Variants in SLIT1 observed in about 807,000 individuals in gnomAD.
SLIT1 encodes slit guidance ligand 1.
A neutral mutation model predicts 186.1 loss-of-function variants in SLIT1; 66 were observed. The observed-to-expected ratio is 0.35, with a 90% CI of 0.29 to 0.44. The LOEUF (loss-of-function observed/expected upper bound fraction) is 0.44. Among genes scored for constraint, SLIT1 ranks in the 20% least tolerant of loss-of-function variants. The pLI, the probability that SLIT1 is intolerant of heterozygous loss-of-function variation, is 1.00. For synonymous variants in SLIT1, 761 were observed against 833.8 expected, an observed-to-expected ratio of 0.91 and a Z score of 1.50; for missense variants, 1,638 against 2,037.4, an observed-to-expected ratio of 0.80 and a Z score of 3.77.
chr10:97,017,176 G>C (rs1848461131), intron 28 of SLIT1, among the ~76,000 whole-genome samples: 1 of 152,198 alleles, frequency 6.6e-6, no homozygotes, highest in African/African-American at 2.4e-5. Context: ...CCCCCAGCTG[G>C]GGCGTCTCAG....
chr10:97,008,922 C>T (rs1424593570), intron 31 of SLIT1, among the ~76,000 whole-genome samples: 1 of 151,728 alleles, frequency 6.6e-6, no homozygotes, highest in Admixed American at 6.6e-5. Flanking sequence ...CTCTGTCACC[C>T]AGGCTGGAGT....
At chr10:97,164,944 G>T in intron 1 of SLIT1, 54 bp from the exon 2 acceptor site, 1 of 1,413,064 alleles carries the variant, frequency 7.1e-7, no homozygotes, top group Non-Finnish European at 1.0e-6. Context: ...AAGCCCCCAG[G>T]CCAGGGGCCC....
rs1850400928 is a variant in SLIT1 at position 97,185,517 on chromosome 10, T to G, written c.158A>C (p.Gln53Pro). 1.2e-6 allele frequency: 2 copies of G among 1,612,350 alleles called. No homozygotes were observed. The highest frequency in any genetic ancestry group is 1.7e-5 in the Admixed American group (1 of 59,992). Reference protein sequence around the residue: ...TTVDCHGTGLQAIPKNIPRNT... With the variant: ...TTVDCHGTGLPAIPKNIPRNT... ...CCGAGGTATATTCTTGGGAATGGCC[T>G]GCAGCCCCGTGCCGTGGCAGTCCAC... Residue 53 changes from glutamine (Q) to proline (P), a missense_variant, in exon 1 of 37, where the codon CAG (glutamine) becomes CCG (proline). Gln to Pro is a moderately conservative substitution (Grantham distance 76, BLOSUM62 -1). Around this residue, in one of 3 missense-constraint regions of SLIT1, gnomAD observed 1,245 missense variants for 1,535.3 expected, o/e 0.81. Transcript: ENST00000266058.
chr10:97,021,802 A>G lies in SLIT1; in HGVS notation c.2583-389T>C, dbSNP rs1848504569. Among the ~76,000 whole-genome samples, 2 of 152,162 alleles carry G rather than the reference A, an allele frequency of 1.3e-5. No individual in the cohort carries two copies. Among genetic ancestry groups the G allele is most frequent in the South Asian group, 4.1e-4 (2 of 4,836 alleles). ...GGTCTTGAACTCCTAAACTCAGGTT[A>G]TCCACTCACCTCAGCCTCCCAAAGT... On this transcript the variant is annotated intron_variant, in intron 25 of 36. Coordinates refer to ENST00000266058, the MANE Select transcript of SLIT1 (RefSeq NM_003061.3). The surrounding 1 kb of genome is among the most constrained non-coding windows in gnomAD (Gnocchi z 4.5).
intron 4 of SLIT1, among the ~76,000 whole-genome samples, chr10:97,067,789 G>C (rs547092926): frequency 2.0e-5 from 3 of 152,292 alleles, no homozygotes; most frequent in Admixed American, 1.3e-4. Flanking sequence ...ATAGGCCCCA[G>C]TGCCAGGCAG....
chr10:97,025,467 G>C (rs1848537085), intron 25 of SLIT1, among the ~76,000 whole-genome samples: 1 of 152,086 alleles, frequency 6.6e-6, no homozygotes, highest in African/African-American at 2.4e-5. Context: ...TTATCCAAAG[G>C]CTGGATTTTC....
At chr10:97,093,569 G>A (rs1041628330) in intron 4 of SLIT1, among the ~76,000 whole-genome samples, 1 of 152,220 alleles carries the variant, frequency 6.6e-6, no homozygotes, top group Admixed American at 6.5e-5. Flanking sequence ...GTGACCTTGA[G>A]GATGGAAGAT....
intron 20 of SLIT1, 34 bp from the exon 21 acceptor site, chr10:97,040,154 G>A (rs1848678150): frequency 1.3e-5 from 20 of 1,519,396 alleles, no homozygotes; most frequent in Non-Finnish European, 1.8e-5. Context: ...CTGTCAGGGA[G>A]GTGGACGGGC....
chr10:97,080,815 C>T (rs562156398), intron 4 of SLIT1, among the ~76,000 whole-genome samples: 9 of 152,216 alleles, frequency 5.9e-5, no homozygotes, highest in Non-Finnish European at 1.2e-4. Flanking sequence ...GGCAAATTGG[C>T]TTTTAGCAAA....
intron 4 of SLIT1, among the ~76,000 whole-genome samples, chr10:97,094,827 G>GT (rs1379779727): frequency 1.3e-5 from 2 of 152,182 alleles, no homozygotes; most frequent in Admixed American, 6.5e-5. Context: ...CATCTTATCA[G>GT]TTTTTTCTCC....
rs1317295979 is a variant in SLIT1, at chr10:97,180,411, GCA to G, written c.197+5065_197+5066del. On this transcript the variant is annotated intron_variant, in intron 1 of 36. Transcript: ENST00000266058. ...CTGAGAAGTCGCCCTTTCCTCCAGA[GCA>G]CTTATCCCAGCTTGCAGTTATGTGC... Among the ~76,000 whole-genome samples the G allele has an allele frequency of 7.9e-5, 12 of 152,324 alleles. No individual in the cohort carries two copies. In the East Asian group the frequency reaches 2.1e-3, roughly 27 times the overall value.
rs12775934 is a variant in SLIT1, at chr10:97,185,839, C to T, written c.-165G>A. On this transcript the variant is annotated 5_prime_UTR_variant, in exon 1 of 37. Transcript: ENST00000266058. ...GGAGGCACCTTGCTCCTCCAAGCGA[C>T]GGCGCCTGTGCGCGGACGGAGGGAG... 6.3e-5 allele frequency: 36 copies of T among 574,682 alleles called. No homozygotes were observed. In the South Asian group the frequency reaches 8.2e-4, roughly 13 times the overall value. The allele number at this position is 574,682 out of a possible 1,614,324, so 35.6% of individuals were successfully genotyped here.
At position 97,178,117 on chromosome 10, in the gene SLIT1, G is replaced by A. The variant is rs543069128; in HGVS notation, c.197+7361C>T. 2.6e-5 allele frequency among the ~76,000 whole-genome samples: 4 copies of A among 152,316 alleles called. No individual in the cohort carries two copies. In the East Asian group the frequency reaches 7.7e-4, roughly 29 times the overall value. On this transcript the variant is annotated intron_variant, in intron 1 of 36. Transcript: ENST00000266058. ...GAATGCTAAAACTCGGGGGATGAAA[G>A]CTTGATGAGAAACAGAATATGTACC... is the stretch of plus-strand genomic sequence containing the variant.
chr10:97,058,651 G>C (rs992133264), intron 11 of SLIT1, among the ~76,000 whole-genome samples: 2 of 152,198 alleles, frequency 1.3e-5, no homozygotes, highest in Admixed American at 6.5e-5. Context: ...GAGCTGGCAG[G>C]CTCCTGCACT....
At chr10:97,063,649 T>C in intron 7 of SLIT1, 31 bp from the exon 8 acceptor site, 3 of 1,560,494 alleles carry the variant, frequency 1.9e-6, no homozygotes, top group Admixed American at 3.6e-5. Context: ...TCACAACCCA[T>C]CTGGATCCCC....
intron 14 of SLIT1, 78 bp downstream of exon 14, chr10:97,048,877 A>AGGT: frequency 2.0e-6 from 3 of 1,468,198 alleles, no homozygotes; most frequent in Non-Finnish European, 1.9e-6. Context: ...GCAGGTATGC[A>AGGT]GGTGGACAAG....
intron 25 of SLIT1, 136 bp downstream of exon 25, chr10:97,030,621 T>G: frequency 1.4e-6 from 1 of 695,896 alleles, no homozygotes; most frequent in Non-Finnish European, 2.6e-6. Flanking sequence ...TCCCAGAAGG[T>G]GCACGTGGGA....
chr10:97,038,585 T>A (rs1848662610), intron 21 of SLIT1, among the ~76,000 whole-genome samples: 1 of 152,178 alleles, frequency 6.6e-6, no homozygotes, highest in Non-Finnish European at 1.5e-5. Flanking sequence ...CCCTTCATTG[T>A]TGACCATTCA....
At chr10:97,069,949 G>C (rs1277925879) in intron 4 of SLIT1, among the ~76,000 whole-genome samples, 1 of 152,012 alleles carries the variant, frequency 6.6e-6, no homozygotes, top group African/African-American at 2.4e-5. Context: ...CTCCCTCCTT[G>C]TTCCTTCTGG....
Sources: allele counts gnomAD v4.1 joint callset (sites outside exome capture counted in the v4.1 genomes callset), GRCh38; gene constraint gnomAD v4.1.1; regional missense constraint gnomAD v4.1.1; non-coding constraint Gnocchi (gnomAD v3.1); transcripts MANE v1.5; gene names NCBI Gene and HGNC (gene_info 2026-07-23, HGNC 2026-07-21).